Variants in GRIA1 observed in about 807,000 individuals in gnomAD.
The protein encoded by GRIA1 is glutamate receptor 1.
Under a neutral mutation model 99.2 loss-of-function variants are expected in GRIA1, and 31 were observed. The ratio of observed to expected loss-of-function variants is 0.31; its 90% CI spans 0.23 to 0.42. The LOEUF (loss-of-function observed/expected upper bound fraction) is 0.42, where lower values mean the gene tolerates loss of function less well. GRIA1 is among the 10% of genes least tolerant of loss of function. The probability of loss-of-function intolerance (pLI) is 1.00; values close to 1 mark genes in which losing one functional copy is unlikely to be tolerated. For missense variants in GRIA1, 782 were observed against 1,157.5 expected (o/e 0.68, Z 4.71); for synonymous variants, 438 against 432.4 (o/e 1.01, Z -0.16).
At chr5:153,670,260 C>A (rs748902523) in intron 5 of GRIA1, among the ~76,000 whole-genome samples, 3 of 152,080 alleles carry the variant, frequency 2.0e-5, no homozygotes, top group Non-Finnish European at 4.4e-5. Context: ...ACCTAATAGC[C>A]CTAGGAACTC....
At chr5:153,737,555 A>C (rs917100766) in intron 11 of GRIA1, among the ~76,000 whole-genome samples, 2 of 152,182 alleles carry the variant, frequency 1.3e-5, no homozygotes, top group Non-Finnish European at 2.9e-5. Flanking sequence ...GACTTTGGAA[A>C]AAGTCATTTA....
At chr5:153,725,158 A>G (rs1351434350) in intron 11 of GRIA1, among the ~76,000 whole-genome samples, 4 of 151,752 alleles carry the variant, frequency 2.6e-5, no homozygotes, top group Middle Eastern at 3.2e-3. Context: ...AGCTTCATAA[A>G]TGAAGGAGAA....
At chr5:153,686,399 G>A in intron 8 of GRIA1, 70 bp downstream of exon 8, 1 of 1,098,766 alleles carries the variant, frequency 9.1e-7, no homozygotes, top group African/African-American at 1.5e-5. Flanking sequence ...AGAGCTGAGG[G>A]CCTGTGAGTC....
At chr5:153,698,798 G>A in intron 9 of GRIA1, 69 bp from the exon 10 acceptor site, 1 of 994,302 alleles carries the variant, frequency 1.0e-6, no homozygotes, top group South Asian at 1.3e-5. Context: ...ATTATGCTAT[G>A]CCAAAGTCCT....
chr5:153,706,612 T>C (rs1758915864), intron 11 of GRIA1, among the ~76,000 whole-genome samples: 1 of 152,220 alleles, frequency 6.6e-6, no homozygotes. Context: ...CACTGGATTA[T>C]GAGTAAGTTC....
chr5:153,696,830 A>G (rs1455350708), intron 8 of GRIA1, among the ~76,000 whole-genome samples: 1 of 151,000 alleles, frequency 6.6e-6, no homozygotes, highest in African/African-American at 2.4e-5. Context: ...ATAAAGAGAG[A>G]TAAGTATAGG....
intron 11 of GRIA1, among the ~76,000 whole-genome samples, chr5:153,735,521 C>T (rs1230080496): frequency 6.6e-6 from 1 of 152,148 alleles, no homozygotes; most frequent in East Asian, 1.9e-4. Context: ...TCTTTAACTA[C>T]CAGGGCCAGG....
At chr5:153,734,039 A>T (rs1427302125) in intron 11 of GRIA1, among the ~76,000 whole-genome samples, 1 of 152,224 alleles carries the variant, frequency 6.6e-6, no homozygotes, top group Non-Finnish European at 1.5e-5. Flanking sequence ...CATTCCATCC[A>T]AAAGTGGCAG....
At chr5:153,578,964 G>A (rs999453980) in intron 2 of GRIA1, among the ~76,000 whole-genome samples, 8 of 151,974 alleles carry the variant, frequency 5.3e-5, no homozygotes, top group African/African-American at 1.9e-4. Context: ...ACTTCTTTGT[G>A]ACTCCCTTTT....
intron 5 of GRIA1, among the ~76,000 whole-genome samples, chr5:153,662,568 C>G (rs995497871): frequency 2.6e-5 from 4 of 152,240 alleles, no homozygotes; most frequent in Non-Finnish European, 5.9e-5. Flanking sequence ...GTGCCCTCCC[C>G]CTTGTTTGAA....
intron 2 of GRIA1, among the ~76,000 whole-genome samples, chr5:153,586,384 C>A (rs781670239): frequency 1.3e-5 from 2 of 152,104 alleles, no homozygotes; most frequent in Non-Finnish European, 2.9e-5. Flanking sequence ...CCTCATTCAC[C>A]GAGTAAGGAG....
At chr5:153,675,767 A>C (rs532953060) in intron 6 of GRIA1, among the ~76,000 whole-genome samples, 15 of 152,372 alleles carry the variant, frequency 9.8e-5, no homozygotes, top group African/African-American at 3.6e-4. Flanking sequence ...GCAATGAGAA[A>C]ACTACATAGG....
At chr5:153,810,194 C>T (rs2963996) in intron 15 of GRIA1, among the ~76,000 whole-genome samples, 2,723 of 152,268 alleles carry the variant, frequency 0.018, 90 homozygotes, top group African/African-American at 0.061. Context: ...AGAATTCCAA[C>T]ATTCTAGAAG....
chr5:153,719,055 CA>C (rs1348833798), intron 11 of GRIA1, among the ~76,000 whole-genome samples: 1 of 152,146 alleles, frequency 6.6e-6, no homozygotes, highest in Non-Finnish European at 1.5e-5. Flanking sequence ...CTCTCCTGAG[CA>C]CCTGGTTTTG....
intron 2 of GRIA1, among the ~76,000 whole-genome samples, chr5:153,576,891 A>G (rs138192800): frequency 1.1e-3 from 167 of 152,136 alleles, no homozygotes; most frequent in Admixed American, 2.1e-3. Context: ...AGCTTTAGAG[A>G]TGTTGCCTGA....
chr5:153,721,773 A>C (rs1760087689), intron 11 of GRIA1, among the ~76,000 whole-genome samples: 1 of 152,170 alleles, frequency 6.6e-6, no homozygotes, highest in Non-Finnish European at 1.5e-5. Context: ...TTCTGGATGA[A>C]CATTTGGGTT....
At chr5:153,656,553 C>T (rs920945082) in intron 5 of GRIA1, among the ~76,000 whole-genome samples, 1 of 151,208 alleles carries the variant, frequency 6.6e-6, no homozygotes, top group Non-Finnish European at 1.5e-5. Context: ...CTTTTGTAAC[C>T]ATTATTTCTG....
intron 2 of GRIA1, among the ~76,000 whole-genome samples, chr5:153,600,370 C>T (rs1259054428): frequency 8.9e-5 from 10 of 112,484 alleles, no homozygotes; most frequent in African/African-American, 2.5e-4. Context: ...CCAGCCTGGG[C>T]GACAGAGCGA....
intron 11 of GRIA1, among the ~76,000 whole-genome samples, chr5:153,711,157 T>C (rs1290793802): frequency 6.6e-6 from 1 of 152,050 alleles, no homozygotes; most frequent in Non-Finnish European, 1.5e-5. Flanking sequence ...CATTTTAAAT[T>C]TGATGTTTTA....
Sources: allele counts gnomAD v4.1 joint callset (sites outside exome capture counted in the v4.1 genomes callset), GRCh38; gene constraint gnomAD v4.1.1; transcripts MANE v1.5; gene names NCBI Gene and HGNC (gene_info 2026-07-23, HGNC 2026-07-21).